MAP9: variants seen among roughly 807,000 people sequenced by gnomAD.
The protein encoded by MAP9 is microtubule associated protein 9, also known as microtubule-associated protein 9.
MAP9 carries 80 observed loss-of-function variants against 75.2 expected under a neutral mutation model. That is an observed-to-expected ratio of 1.06 (90% CI 0.89 to 1.28). The LOEUF is 1.28. Among genes scored for constraint, MAP9 ranks in the 50% most tolerant of loss-of-function variants. MAP9 has a pLI of 0.00. For synonymous variants in MAP9, 235 were observed against 237.3 expected, an observed-to-expected ratio of 0.99 and a Z score of 0.09; for missense variants, 753 against 719.9, an observed-to-expected ratio of 1.05 and a Z score of -0.53.
In MAP9 at chr4:155,374,241, AAGG is replaced by A. The variant is rs1172486687; in HGVS notation, c.160+693_160+695del. Among the ~76,000 whole-genome samples, 9 of 152,246 alleles carry A rather than the reference AAGG, an allele frequency of 5.9e-5. No homozygotes were observed. In the East Asian group the frequency reaches 1.4e-3, roughly 23 times the overall value. On this transcript the variant is annotated intron_variant, in intron 3 of 13. Coordinates refer to ENST00000311277, the MANE Select transcript of MAP9 (RefSeq NM_001039580.2). ...GTAGTCCCAGCTACTCAGGAGGCTG[AAGG>A]AGGAGAATCACTTGAACCTGGGAGG...
chr4:155,368,739 T>C lies in MAP9; in HGVS notation c.555A>G (p.Lys185=), dbSNP rs1249861066. Residue 185 remains lysine (K), a synonymous_variant, in exon 5 of 14, where the codon AAA becomes AAG. Transcript: ENST00000311277. ...SPRPRSMLKK[K]SHMEEKDGLE... Reference sequence around the variant, plus strand: ...GTCCATCCTTCTCCTCCATGTGACTTTTCTTTTTCAACATACTCCTTGGCC... The same window carrying C: ...GTCCATCCTTCTCCTCCATGTGACTCTTCTTTTTCAACATACTCCTTGGCC... 1.1e-5 allele frequency: 17 copies of C among 1,614,022 alleles called. No individual in the cohort carries two copies. The highest frequency in any genetic ancestry group is 1.4e-5 in the Non-Finnish European group (17 of 1,179,980).
chr4:155,373,415 A>T lies in MAP9; in HGVS notation c.202T>A (p.Ser68Thr). Reference protein sequence around the residue: ...DFSDTSADENSVNKKMNDFHI... With the variant: ...DFSDTSADENTVNKKMNDFHI... ...AAGTCATTCATTTTTTTATTAACTG[A>T]ATTTTCATCTGCTGAAGTGTCAGAA... The change falls in exon 4 of 14, where the codon TCA becomes ACA. Residue 68 changes from serine to threonine, a missense_variant. Transcript: ENST00000311277. 2 of 1,591,244 alleles carry T rather than the reference A, an allele frequency of 1.3e-6. No individual in the cohort carries two copies. The highest frequency in any genetic ancestry group is 1.7e-6 in the Non-Finnish European group (2 of 1,169,514).
chr4:155,371,932 T>A (rs1037764073), intron 4 of MAP9, among the ~76,000 whole-genome samples: 1 of 152,228 alleles, frequency 6.6e-6, no homozygotes, highest in African/African-American at 2.4e-5. Flanking sequence ...AAGTTAATTG[T>A]TTCATTATGC....
Position 155,345,946 on chromosome 4 carries a change from A to C in MAP9, c.*1837T>G, listed in dbSNP as rs1731269226. The C allele has an allele frequency of 6.6e-6, 1 of 152,208 alleles. No homozygotes were observed. Among genetic ancestry groups the C allele is most frequent in the Admixed American group, 6.5e-5 (1 of 15,268 alleles). 9.4% of individuals were successfully genotyped at this position (152,208 alleles called of 1,614,324 possible). A position where few individuals can be genotyped will look rare whatever the true frequency, so the allele number is the denominator to read the frequency against. The stretch of plus-strand genomic sequence containing the variant: ...CTGTTTTTGGTACTATGGGGGACAC[A>C]GGAATGAGTAAGAGAGGTCCTAAAT... On this transcript the variant is annotated 3_prime_UTR_variant, in exon 14 of 14. Coordinates refer to ENST00000311277, the MANE Select transcript of MAP9 (RefSeq NM_001039580.2).
At chr4:155,359,429 G>A (rs1196727135) in intron 7 of MAP9, among the ~76,000 whole-genome samples, 1 of 151,984 alleles carries the variant, frequency 6.6e-6, no homozygotes, top group Non-Finnish European at 1.5e-5. Flanking sequence ...ATAGATAATG[G>A]AGACTAGGAA....
In MAP9 at chr4:155,346,661, G is replaced by C. The variant is rs536280858; in HGVS notation, c.*1122C>G. ...TGTTGTAAAGATGTTAAATACATTTGTAAAGGTCCAGTAGAGATTATATAT... is the reference window on the plus strand; with the variant it reads ...TGTTGTAAAGATGTTAAATACATTTCTAAAGGTCCAGTAGAGATTATATAT... On this transcript the variant is annotated 3_prime_UTR_variant, in exon 14 of 14. Coordinates refer to ENST00000311277, the MANE Select transcript of MAP9 (RefSeq NM_001039580.2). 1 of 152,538 alleles carries C rather than the reference G, an allele frequency of 6.6e-6. No homozygotes were observed. The highest frequency in any genetic ancestry group is 1.5e-5 in the Non-Finnish European group (1 of 68,034). The allele number at this position is 152,538 out of a possible 1,614,324, so 9.4% of individuals were successfully genotyped here. A position where few individuals can be genotyped will look rare whatever the true frequency, so the allele number is the denominator to read the frequency against.
At chr4:155,360,126 GTT>G in intron 7 of MAP9, 40 bp downstream of exon 7, 1 of 1,566,646 alleles carries the variant, frequency 6.4e-7, no homozygotes, top group Non-Finnish European at 8.7e-7. Context: ...TCTATTTCAA[GTT>G]TTAAGCTGTA....
rs374786290 is a variant in MAP9 at position 155,370,056 on chromosome 4, G to A, written c.482-1244C>T. On this transcript the variant is annotated intron_variant, in intron 4 of 13. Coordinates refer to ENST00000311277, the MANE Select transcript of MAP9 (RefSeq NM_001039580.2). ...AAGATTCCACAACCATACCAAATTGGTATTATTATAAGTAGCTGACAATTT... is the reference window on the plus strand; with the variant it reads ...AAGATTCCACAACCATACCAAATTGATATTATTATAAGTAGCTGACAATTT... Among the ~76,000 whole-genome samples, 9 of 152,194 alleles carry A rather than the reference G, an allele frequency of 5.9e-5. No individual in the cohort carries two copies. The East Asian group carries it at 1.7e-3, about 29-fold the overall frequency.
At chr4:155,367,688 A>G (rs1732392910) in intron 5 of MAP9, among the ~76,000 whole-genome samples, 1 of 152,236 alleles carries the variant, frequency 6.6e-6, no homozygotes, top group African/African-American at 2.4e-5. Flanking sequence ...CTTTACTGGT[A>G]AAGCTCAACT....
rs1432801859 is a variant in MAP9, at chr4:155,346,950, C to T, written c.*833G>A. The T allele has an allele frequency of 1.3e-5, 2 of 152,442 alleles. No individual in the cohort carries two copies. The highest frequency in any genetic ancestry group is 4.8e-5 in the African/African-American group (2 of 41,432). The allele number at this position is 152,442 out of a possible 1,614,324, so 9.4% of individuals were successfully genotyped here. On this transcript the variant is annotated 3_prime_UTR_variant, in exon 14 of 14. Coordinates refer to ENST00000311277, the MANE Select transcript of MAP9 (RefSeq NM_001039580.2). ...TATAAAACAGGACTAGCTAAGATGA[C>T]AATAATTGCCTAAATCACCTTTATG...
chr4:155,351,548 T>C (rs1313865998), intron 13 of MAP9, among the ~76,000 whole-genome samples: 9 of 149,616 alleles, frequency 6.0e-5, no homozygotes, highest in Non-Finnish European at 1.2e-4. Flanking sequence ...ATAGTGGGGG[T>C]AAATATTTGC....
chr4:155,365,971 A>C (rs1037996686), intron 5 of MAP9, among the ~76,000 whole-genome samples: 11 of 152,286 alleles, frequency 7.2e-5, no homozygotes, highest in Non-Finnish European at 7.4e-5. Flanking sequence ...CAAAGAAGAA[A>C]GTTTACACCT....
Position 155,352,654 on chromosome 4 carries a change from T to C in MAP9, c.1763A>G (p.Lys588Arg). The C allele has an allele frequency of 6.5e-7, 1 of 1,549,568 alleles. No homozygotes were observed. The highest frequency in any genetic ancestry group is 8.8e-7 in the Non-Finnish European group (1 of 1,135,300). The part of the protein sequence containing the change: ...KINEKRKEEL[K>R]RAEKKDKDKQ... ...ATCTTTATCTTTTTTCTCAGCTCTT[T>C]TCAGTTCTTCCTTTCTTTTCTCATT... The change falls in exon 13 of 14, where the codon AAA becomes AGA. Residue 588 changes from lysine to arginine, a missense_variant. Coordinates refer to ENST00000311277, the MANE Select transcript of MAP9 (RefSeq NM_001039580.2).
chr4:155,354,026 T>G (rs994230715), intron 10 of MAP9, among the ~76,000 whole-genome samples: 4 of 152,128 alleles, frequency 2.6e-5, no homozygotes, highest in African/African-American at 9.7e-5. Context: ...CAAAGTACTA[T>G]CTACCTCACA....
At chr4:155,347,966 G>C in intron 13 of MAP9, 61 bp from the exon 14 acceptor site, 1 of 1,091,924 alleles carries the variant, frequency 9.2e-7, no homozygotes, top group Non-Finnish European at 1.3e-6. Flanking sequence ...TTTCAAATCA[G>C]GTTGCTTGCT....
At chr4:155,369,274 G>C (rs1328620802) in intron 4 of MAP9, among the ~76,000 whole-genome samples, 1 of 145,134 alleles carries the variant, frequency 6.9e-6, no homozygotes, top group Non-Finnish European at 1.5e-5. Context: ...AGTGAGCCGA[G>C]ATCGAGATCA....
chr4:155,346,828 C>G lies in MAP9; in HGVS notation c.*955G>C, dbSNP rs565681511. On this transcript the variant is annotated 3_prime_UTR_variant, in exon 14 of 14. Coordinates refer to ENST00000311277, the MANE Select transcript of MAP9 (RefSeq NM_001039580.2). ...AGGTCAAGTATGAGACCAGTTACTACGAGGACATGCAGAGATCAAATAAAT... is the reference window on the plus strand; with the variant it reads ...AGGTCAAGTATGAGACCAGTTACTAGGAGGACATGCAGAGATCAAATAAAT... 1 of 152,516 alleles carries G rather than the reference C, an allele frequency of 6.6e-6. No individual in the cohort carries two copies. Among genetic ancestry groups the G allele is most frequent in the Non-Finnish European group, 1.5e-5 (1 of 68,032 alleles). The allele number at this position is 152,516 out of a possible 1,614,324, so 9.4% of individuals were successfully genotyped here.
intron 5 of MAP9, among the ~76,000 whole-genome samples, chr4:155,366,401 C>T (rs748310885): frequency 2.6e-5 from 4 of 151,092 alleles, no homozygotes; most frequent in Non-Finnish European, 5.9e-5. Flanking sequence ...CTGAATAATA[C>T]TGAAATAATA....
intron 7 of MAP9, among the ~76,000 whole-genome samples, chr4:155,359,579 T>C (rs532673708): frequency 6.6e-6 from 1 of 152,020 alleles, no homozygotes; most frequent in African/African-American, 2.4e-5. Flanking sequence ...TTTACATGAA[T>C]TGAAAAAAGA....
Sources: gnomAD v4.1 joint callset for allele counts (sites outside exome capture counted in the v4.1 genomes callset) on GRCh38, gnomAD v4.1.1 for gene constraint, MANE v1.5 for transcripts, NCBI Gene and HGNC (gene_info 2026-07-23, HGNC 2026-07-21) for gene names.